MPP7: variants seen among roughly 807,000 people sequenced by gnomAD.
MPP7 encodes the protein MAGUK p55 scaffold protein 7.
In MPP7, 60 loss-of-function variants were observed where a neutral mutation model predicts 76.5. The observed-to-expected ratio is 0.78, with a 90% CI of 0.64 to 0.97. The LOEUF is 0.97. Among genes scored for constraint, MPP7 ranks in the 50% least tolerant of loss-of-function variants. The probability of loss-of-function intolerance (pLI) is 0.00; values close to 1 mark genes in which losing one functional copy is unlikely to be tolerated. For missense variants in MPP7, 641 were observed against 694.0 expected (o/e 0.92, Z 0.86); for synonymous variants, 237 against 244.5 (o/e 0.97, Z 0.29).
At chr10:28,064,630 G>T (rs188684367) in intron 13 of MPP7, among the ~76,000 whole-genome samples, 1 of 152,254 alleles carries the variant, frequency 6.6e-6, no homozygotes, top group East Asian at 1.9e-4. Flanking sequence ...AATCTGAGAA[G>T]TACGGAAAAT....
At chr10:28,067,445 C>CT (rs1325574019) in intron 13 of MPP7, among the ~76,000 whole-genome samples, 3 of 152,148 alleles carry the variant, frequency 2.0e-5, no homozygotes, top group Non-Finnish European at 4.4e-5. Flanking sequence ...TTGGGCATAT[C>CT]TTTTTATAGA....
intron 3 of MPP7, among the ~76,000 whole-genome samples, chr10:28,163,562 T>C (rs1260177634): frequency 1.3e-5 from 2 of 152,154 alleles, no homozygotes; most frequent in African/African-American, 2.4e-5. Flanking sequence ...ACTTAGTACA[T>C]ACTCAAATAT....
intron 3 of MPP7, among the ~76,000 whole-genome samples, chr10:28,154,452 T>G (rs1835984689): frequency 6.6e-6 from 1 of 152,172 alleles, no homozygotes; most frequent in African/African-American, 2.4e-5. Flanking sequence ...TGCCTTCAAT[T>G]CCAGCCAGGG....
At chr10:28,089,631 A>C (rs2133448185) in intron 12 of MPP7, 40 bp downstream of exon 12, 1 of 1,568,782 alleles carries the variant, frequency 6.4e-7, no homozygotes, top group Non-Finnish European at 8.7e-7. Context: ...TTACTAGCTC[A>C]CTCATTTCCT....
intron 3 of MPP7, among the ~76,000 whole-genome samples, chr10:28,165,371 TAA>T (rs2133840507): frequency 6.6e-6 from 1 of 152,114 alleles, no homozygotes; most frequent in South Asian, 2.1e-4. Flanking sequence ...AAGAAATTTT[TAA>T]AAGTTAGCCA....
chr10:28,316,496 G>A (rs1834322352), intron 2 of MPP7, among the ~76,000 whole-genome samples: 2 of 127,490 alleles, frequency 1.6e-5, no homozygotes. Context: ...TGTGAATAAT[G>A]TATGGACTTT....
At chr10:28,183,410 T>G (rs1837122663) in intron 3 of MPP7, among the ~76,000 whole-genome samples, 1 of 152,202 alleles carries the variant, frequency 6.6e-6, no homozygotes, top group Non-Finnish European at 1.5e-5. Context: ...CTCAAGAACT[T>G]TTTAAAGATT....
chr10:28,143,906 ACT>A (rs1835617834), intron 5 of MPP7, among the ~76,000 whole-genome samples: 2 of 133,452 alleles, frequency 1.5e-5, no homozygotes, highest in Non-Finnish European at 3.2e-5. Flanking sequence ...TGTGTGTGAG[ACT>A]GAGTTTCACT....
Position 28,128,982 on chromosome 10 carries a change from C to T in MPP7, c.447+2578G>A, listed in dbSNP as rs148561635. 3.3e-3 allele frequency among the ~76,000 whole-genome samples: 504 copies of T among 152,256 alleles called. 1 individual carries two copies. Among genetic ancestry groups the T allele is most frequent in the African/African-American group, 0.011 (451 of 41,564 alleles). On this transcript the variant is annotated intron_variant, in intron 6 of 16. Coordinates refer to ENST00000683449, the MANE Select transcript of MPP7 (RefSeq NM_001318170.2). ...CCTGATAGAATCTTCTTGCTATCCC[C>T]TGATTCTACTTTGCTTGGAGGGTAA...
At chr10:28,084,954 T>A (rs951295158) in intron 12 of MPP7, among the ~76,000 whole-genome samples, 1 of 152,032 alleles carries the variant, frequency 6.6e-6, no homozygotes, top group South Asian at 2.1e-4. Context: ...GAGACCTACA[T>A]TGGAAACTCA....
In MPP7 at chr10:28,278,381, T is replaced by C. The variant is rs182219292; in HGVS notation, c.-132+24480A>G. On this transcript the variant is annotated intron_variant, in intron 1 of 16. Transcript: ENST00000683449. ...TGGAAGTTTCCACCAAACATCAGAC[T>C]TTCGACTTACTGGTGGTATCCATTT... is the stretch of plus-strand genomic sequence containing the variant. Among the ~76,000 whole-genome samples the C allele has an allele frequency of 8.9e-4, 135 of 152,214 alleles. 2 individuals are homozygous for C. The highest frequency in any genetic ancestry group is 3.0e-3 in the African/African-American group (126 of 41,480).
intron 1 of MPP7, among the ~76,000 whole-genome samples, chr10:28,240,672 T>G (rs1839238377): frequency 6.6e-6 from 1 of 152,112 alleles, no homozygotes; most frequent in Non-Finnish European, 1.5e-5. Flanking sequence ...TTCTAACAAT[T>G]TTGAAAGCAA....
intron 8 of MPP7, among the ~76,000 whole-genome samples, chr10:28,122,312 C>T (rs1337392952): frequency 6.6e-6 from 1 of 152,058 alleles, no homozygotes; most frequent in Non-Finnish European, 1.5e-5. Flanking sequence ...CTCGTGATTG[C>T]CTCACAATAA....
intron 1 of MPP7, among the ~76,000 whole-genome samples, chr10:28,251,434 C>A (rs1839610459): frequency 6.6e-6 from 1 of 151,652 alleles, no homozygotes; most frequent in Non-Finnish European, 1.5e-5. Flanking sequence ...TGCATTCCAG[C>A]CTAAGTGACA....
intron 3 of MPP7, among the ~76,000 whole-genome samples, chr10:28,176,472 C>T (rs902067901): frequency 1.3e-5 from 2 of 152,242 alleles, no homozygotes; most frequent in African/African-American, 2.4e-5. Flanking sequence ...TGGTGGCTCA[C>T]GCCTGTATCC....
At chr10:28,096,211 T>A (rs1853564407) in intron 11 of MPP7, among the ~76,000 whole-genome samples, 1 of 152,224 alleles carries the variant, frequency 6.6e-6, no homozygotes, top group South Asian at 2.1e-4. Flanking sequence ...GGCAAATTGC[T>A]AGAAACTAGA....
intron 12 of MPP7, among the ~76,000 whole-genome samples, chr10:28,078,990 C>T (rs1185769244): frequency 6.6e-6 from 1 of 152,120 alleles, no homozygotes; most frequent in Admixed American, 6.5e-5. Context: ...GGTTAAAAAT[C>T]TATAGCAAAT....
chr10:28,205,074 C>T (rs1417498247), intron 2 of MPP7, among the ~76,000 whole-genome samples: 1 of 152,172 alleles, frequency 6.6e-6, no homozygotes, highest in Non-Finnish European at 1.5e-5. Context: ...TATCCCACCA[C>T]AGTTTGGCAC....
intron 3 of MPP7, among the ~76,000 whole-genome samples, chr10:28,162,070 G>A (rs572612121): frequency 1.3e-5 from 2 of 152,278 alleles, no homozygotes; most frequent in Non-Finnish European, 2.9e-5. Context: ...TTTCCTCTCA[G>A]ATCAGCTATA....
Sources: allele counts gnomAD v4.1 joint callset (sites outside exome capture counted in the v4.1 genomes callset), GRCh38; gene constraint gnomAD v4.1.1; transcripts MANE v1.5; gene names NCBI Gene and HGNC (gene_info 2026-07-23, HGNC 2026-07-21).